Variants in SCRN1 observed in about 807,000 individuals in gnomAD.
SCRN1 encodes secernin-1.
SCRN1 carries 19 observed loss-of-function variants against 43.3 expected under a neutral mutation model. That is an observed-to-expected ratio of 0.44 (90% CI 0.31 to 0.64). The LOEUF is 0.64. Ranked by LOEUF, SCRN1 falls within the 30% of genes least tolerant of loss-of-function variation. SCRN1 has a pLI of 0.09. For missense variants in SCRN1, 447 were observed against 524.1 expected (o/e 0.85, Z 1.44); for synonymous variants, 183 against 188.9 (o/e 0.97, Z 0.26).
At chr7:29,946,340 C>T (rs62459590) in intron 3 of SCRN1, among the ~76,000 whole-genome samples, 1,663 of 152,324 alleles carry the variant, frequency 0.011, 17 homozygotes, top group Non-Finnish European at 0.015. Context: ...CAGAACCCCA[C>T]GTTGTACACA....
At chr7:29,958,101 A>T (rs1788196170) in intron 2 of SCRN1, among the ~76,000 whole-genome samples, 1 of 152,204 alleles carries the variant, frequency 6.6e-6, no homozygotes, top group South Asian at 2.1e-4. Flanking sequence ...CCAGACCGAA[A>T]GCCAGGCAGC....
intron 1 of SCRN1, among the ~76,000 whole-genome samples, chr7:29,975,017 C>T (rs1788770097): frequency 6.6e-6 from 1 of 152,130 alleles, no homozygotes; most frequent in East Asian, 1.9e-4. Context: ...ATTATTCATG[C>T]ATGACACAAG....
At chr7:29,947,948 G>A (rs1189602500) in intron 3 of SCRN1, among the ~76,000 whole-genome samples, 3 of 152,200 alleles carry the variant, frequency 2.0e-5, no homozygotes, top group Admixed American at 6.5e-5. Context: ...GTCTTCCGGT[G>A]CCTTGATCTC....
Position 29,923,675 on chromosome 7 carries a change from C to A in SCRN1, c.*282G>T. 1 of 299,946 alleles carries A rather than the reference C, an allele frequency of 3.3e-6. No homozygotes were observed. Among genetic ancestry groups the A allele is most frequent in the Non-Finnish European group, 6.2e-6 (1 of 160,772 alleles). The allele number at this position is 299,946 out of a possible 1,614,324, so 18.6% of individuals were successfully genotyped here. On this transcript the variant is annotated 3_prime_UTR_variant, in exon 8 of 8. Transcript: ENST00000242059. ...TTGTAAAAGGCTAATGTGTCCATTG[C>A]CACTGAAATACAATAATAGCAGCTT...
At chr7:29,926,671 T>G (rs372377983) in intron 6 of SCRN1, 39 bp from the exon 7 acceptor site, 1 of 1,553,522 alleles carries the variant, frequency 6.4e-7, no homozygotes, top group Non-Finnish European at 8.8e-7. Flanking sequence ...AGGCAGAGGC[T>G]GGGACCCGGG....
At chr7:29,934,164 G>A (rs1046560673) in intron 6 of SCRN1, among the ~76,000 whole-genome samples, 1 of 151,976 alleles carries the variant, frequency 6.6e-6, no homozygotes, top group Non-Finnish European at 1.5e-5. Flanking sequence ...CTTCCAGAAG[G>A]GTCTTAATCT....
chr7:29,940,930 CA>C, intron 4 of SCRN1, 54 bp from the exon 5 acceptor site: 1 of 1,375,708 alleles, frequency 7.3e-7, no homozygotes, highest in Non-Finnish European at 9.6e-7. Context: ...AAGACTTAAT[CA>C]ACAAATGGAA....
intron 6 of SCRN1, among the ~76,000 whole-genome samples, chr7:29,933,809 C>T (rs893769694): frequency 2.0e-5 from 3 of 152,270 alleles, no homozygotes; most frequent in Non-Finnish European, 4.4e-5. Context: ...GAGAAAAGGA[C>T]AGACAAGTGT....
Position 29,940,894 on chromosome 7 carries a change from C to T in SCRN1, c.545-18G>A, listed in dbSNP as rs1030237245. The T allele has an allele frequency of 9.5e-6, 14 of 1,471,238 alleles. No homozygotes were observed. The highest frequency in any genetic ancestry group is 1.3e-5 in the Non-Finnish European group (14 of 1,114,396). The allele number at this position is 1,471,238 out of a possible 1,614,324, so 91.1% of individuals were successfully genotyped here. ...CACTCCCTCTGCAGAGAGTGCAAAG[C>T]CCCATAAGTTAAAAATATACTTATA... On this transcript the variant is annotated intron_variant, in intron 4 of 7. Coordinates refer to ENST00000242059, the MANE Select transcript of SCRN1 (RefSeq NM_014766.5).
Position 29,936,585 on chromosome 7 carries a change from G to A in SCRN1, c.876C>T (p.His292=). The change falls in exon 6 of 8, where the codon CAC becomes CAT. Residue 292 remains histidine, a synonymous_variant. Transcript: ENST00000242059. The part of the protein sequence containing the change: ...LPQNRSSPCI[H]YFTGTPDPSR... ...AAGGATCAGGGGTTCCAGTGAAGTA[G>A]TGAATGCACGGAGAGCTTCTATTCT... The A allele has an allele frequency of 2.5e-6, 4 of 1,597,828 alleles. No homozygotes were observed. The highest frequency in any genetic ancestry group is 3.4e-6 in the Non-Finnish European group (4 of 1,167,378).
chr7:29,986,033 G>A (rs565717036), intron 1 of SCRN1, among the ~76,000 whole-genome samples: 2 of 152,318 alleles, frequency 1.3e-5, no homozygotes, highest in South Asian at 2.1e-4. Context: ...TCAGGAGTTC[G>A]AGACCAGCCC....
intron 2 of SCRN1, among the ~76,000 whole-genome samples, chr7:29,961,738 C>T (rs1174008763): frequency 1.3e-5 from 2 of 151,882 alleles, no homozygotes; most frequent in African/African-American, 4.8e-5. Context: ...GCAGAGGCGC[C>T]CCTCACCTCC....
chr7:29,976,562 T>C (rs576406898), intron 1 of SCRN1, among the ~76,000 whole-genome samples: 74 of 152,336 alleles, frequency 4.9e-4, no homozygotes, highest in East Asian at 1.9e-3. Context: ...GTTAGGATGG[T>C]AAATTTTATG....
intron 3 of SCRN1, chr7:29,947,122 A>G: frequency 6.7e-7 from 1 of 1,487,130 alleles, no homozygotes; most frequent in Non-Finnish European, 9.0e-7. Context: ...CCAAGGTTAG[A>G]GTTCCACTGT....
At chr7:29,930,670 C>CCAGA (rs1787128491) in intron 6 of SCRN1, among the ~76,000 whole-genome samples, 1 of 152,246 alleles carries the variant, frequency 6.6e-6, no homozygotes, top group Middle Eastern at 3.2e-3. Flanking sequence ...AAGGCTGATT[C>CCAGA]TGCCTCTGTC....
At chr7:29,980,601 C>A (rs1449888640) in intron 1 of SCRN1, among the ~76,000 whole-genome samples, 1 of 152,056 alleles carries the variant, frequency 6.6e-6, no homozygotes, top group East Asian at 1.9e-4. Flanking sequence ...AAAAAATTAG[C>A]CAAACATTCA....
chr7:29,941,487 T>G (rs1374882325), intron 4 of SCRN1, among the ~76,000 whole-genome samples: 1 of 152,164 alleles, frequency 6.6e-6, no homozygotes, highest in East Asian at 1.9e-4. Context: ...GACAACAAAT[T>G]GTTTTAAAAT....
At chr7:29,975,356 A>C (rs1025270857) in intron 1 of SCRN1, among the ~76,000 whole-genome samples, 1 of 152,182 alleles carries the variant, frequency 6.6e-6, no homozygotes. Flanking sequence ...ATAATTCTGA[A>C]GCTGCTTTCT....
intron 1 of SCRN1, among the ~76,000 whole-genome samples, chr7:29,970,854 A>G (rs983256665): frequency 5.9e-5 from 9 of 152,070 alleles, no homozygotes. Context: ...TCTATAAAGG[A>G]CTCTCATTTA....
Sources: allele counts gnomAD v4.1 joint callset (sites outside exome capture counted in the v4.1 genomes callset), GRCh38; gene constraint gnomAD v4.1.1; transcripts MANE v1.5; gene names NCBI Gene and HGNC (gene_info 2026-07-23, HGNC 2026-07-21).